Variants in FAT3 observed in about 807,000 individuals in gnomAD.
FAT3 encodes the protein FAT atypical cadherin 3.
In FAT3, 95 loss-of-function variants were observed where a neutral mutation model predicts 310.2. That is an observed-to-expected ratio of 0.31 (90% confidence interval 0.26 to 0.36). The LOEUF is 0.36. Among genes scored for constraint, FAT3 ranks in the 10% least tolerant of loss-of-function variants. The probability of loss-of-function intolerance (pLI) is 1.00; values close to 1 mark genes in which losing one functional copy is unlikely to be tolerated. For synonymous variants in FAT3, 2,314 were observed against 2,192.9 expected (o/e 1.06, Z -1.54); for missense variants, 5,408 against 5,715.6 (o/e 0.95, Z 1.74).
intron 3 of FAT3, among the ~76,000 whole-genome samples, chr11:92,613,452 G>A (rs1188456372): frequency 6.6e-6 from 1 of 152,082 alleles, no homozygotes; most frequent in Non-Finnish European, 1.5e-5. Flanking sequence ...ACCAAATTCA[G>A]ATTAATTTAA....
chr11:92,664,046 G>A (rs911519550), intron 3 of FAT3, among the ~76,000 whole-genome samples: 6 of 152,074 alleles, frequency 3.9e-5, no homozygotes, highest in East Asian at 1.9e-4. Context: ...ACACAAAACC[G>A]TGAGTGGTCT....
chr11:92,235,258 T>C (rs967742388), intron 1 of FAT3, among the ~76,000 whole-genome samples: 2 of 152,138 alleles, frequency 1.3e-5, no homozygotes, highest in African/African-American at 4.8e-5. Flanking sequence ...TCTTTGGTAC[T>C]TCTTGGCCCC....
In FAT3 at chr11:92,352,909, T is replaced by C; in HGVS notation, c.797T>C (p.Ile266Thr). ...IERINEHAPT[I>T]HVVTHVPFSL... ...CGCATAAATGAACATGCCCCAACAATCCATGTAGTCACTCATGTTCCTTTC... is the reference window on the plus strand; with the variant it reads ...CGCATAAATGAACATGCCCCAACAACCCATGTAGTCACTCATGTTCCTTTC... Residue 266 changes from isoleucine to threonine, a missense_variant, in exon 2 of 28, where the codon ATC becomes ACC. Transcript: ENST00000525166. The C allele has an allele frequency of 6.2e-7, 1 of 1,613,774 alleles. No individual in the cohort carries two copies. The highest frequency in any genetic ancestry group is 8.5e-7 in the Non-Finnish European group (1 of 1,179,820).
chr11:92,885,080 C>T (rs1277631554), intron 24 of FAT3, among the ~76,000 whole-genome samples: 2 of 152,166 alleles, frequency 1.3e-5, no homozygotes, highest in African/African-American at 4.8e-5. Flanking sequence ...AAGGAGGACA[C>T]AGGCTAAAAT....
chr11:92,645,408 T>C (rs1942113484), intron 3 of FAT3, among the ~76,000 whole-genome samples: 1 of 152,162 alleles, frequency 6.6e-6, no homozygotes, highest in African/African-American at 2.4e-5. Flanking sequence ...ATAACCTACA[T>C]TTCTGAAAAG....
At chr11:92,736,642 T>C (rs572568053) in intron 4 of FAT3, among the ~76,000 whole-genome samples, 81 of 152,318 alleles carry the variant, frequency 5.3e-4, no homozygotes, top group African/African-American at 1.9e-3. Context: ...GTCCTTTCAA[T>C]TTCTCCAGAA....
intron 2 of FAT3, among the ~76,000 whole-genome samples, chr11:92,403,689 A>G (rs921182681): frequency 3.9e-5 from 6 of 152,196 alleles, no homozygotes; most frequent in African/African-American, 7.2e-5. Context: ...AGGACAATGC[A>G]CTGGCTCATT....
At chr11:92,840,929 CTG>C (rs1948531634) in intron 18 of FAT3, among the ~76,000 whole-genome samples, 170 bp downstream of exon 18, 1 of 152,166 alleles carries the variant, frequency 6.6e-6, no homozygotes, top group African/African-American at 2.4e-5. Flanking sequence ...AAAGCTGCCT[CTG>C]TGTGTGAAAC....
Position 92,896,346 on chromosome 11 carries a change from C to G in FAT3, c.*5233C>G, listed in dbSNP as rs1308366253. ...AAAAGAAAAAAAAAACAAAAGCAAA[C>G]AAAAAAAAAGACAGCCAAAAAAAAG... On this transcript the variant is annotated 3_prime_UTR_variant, in exon 28 of 28. Coordinates refer to ENST00000525166, the MANE Select transcript of FAT3 (RefSeq NM_001367949.2). 7.7e-6 allele frequency: 1 copy of G among 129,870 alleles called. No individual in the cohort carries two copies. The highest frequency in any genetic ancestry group is 1.7e-5 in the Non-Finnish European group (1 of 59,278). 8.0% of individuals were successfully genotyped at this position (129,870 alleles called of 1,614,324 possible). A position where few individuals can be genotyped will look rare whatever the true frequency, so the allele number is the denominator to read the frequency against.
intron 19 of FAT3, among the ~76,000 whole-genome samples, chr11:92,850,700 C>G (rs541005643): frequency 6.6e-6 from 1 of 152,262 alleles, no homozygotes; most frequent in East Asian, 1.9e-4. Context: ...CAACATAAAT[C>G]AAGAGGTTGA....
intron 4 of FAT3, among the ~76,000 whole-genome samples, chr11:92,751,894 G>A (rs1945838724): frequency 6.6e-6 from 1 of 152,102 alleles, no homozygotes; most frequent in South Asian, 2.1e-4. Flanking sequence ...TATTCTTAAC[G>A]TCTAAGCCTC....
intron 7 of FAT3, among the ~76,000 whole-genome samples, chr11:92,777,836 T>C (rs1946635433): frequency 6.6e-6 from 1 of 152,116 alleles, no homozygotes; most frequent in Non-Finnish European, 1.5e-5. Context: ...GGTCTAACTG[T>C]AGTAAGAATT....
intron 1 of FAT3, among the ~76,000 whole-genome samples, chr11:92,262,367 G>C (rs570232284): frequency 6.6e-6 from 1 of 152,206 alleles, no homozygotes; most frequent in Admixed American, 6.5e-5. Context: ...AATAGAAAGA[G>C]CAAATGTGTA....
At chr11:92,563,281 A>T (rs1247670333) in intron 3 of FAT3, among the ~76,000 whole-genome samples, 2 of 152,206 alleles carry the variant, frequency 1.3e-5, no homozygotes, top group East Asian at 3.9e-4. Context: ...AAGCAACAGC[A>T]AATATGTGAG....
chr11:92,859,132 AAT>A, intron 20 of FAT3, 31 bp from the exon 21 acceptor site: 4 of 1,590,202 alleles, frequency 2.5e-6, no homozygotes, highest in Non-Finnish European at 3.4e-6. Flanking sequence ...GGATGTTAAA[AAT>A]ATATATGTCT....
At chr11:92,690,655 T>G (rs1256700313) in intron 3 of FAT3, among the ~76,000 whole-genome samples, 6 of 152,212 alleles carry the variant, frequency 3.9e-5, no homozygotes, top group African/African-American at 1.4e-4. Context: ...TTGTTTATTT[T>G]TTAAGGAAAT....
chr11:92,800,579 T>C lies in FAT3; in HGVS notation c.7566T>C (p.Asp2522=), dbSNP rs759103630. ...GTKVIHVRAT[D]GDPGTYGQIS... is the part of the protein sequence containing the mutation. Reference sequence around the variant, plus strand: ...AGGTAATTCATGTTCGAGCCACAGATGGTGATCCAGGGACTTATGGGCAGA... The same window carrying C: ...AGGTAATTCATGTTCGAGCCACAGACGGTGATCCAGGGACTTATGGGCAGA... Residue 2522 remains aspartate (D), a synonymous_variant, in exon 10 of 28, where the codon GAT becomes GAC. Coordinates refer to ENST00000525166, the MANE Select transcript of FAT3 (RefSeq NM_001367949.2). The C allele has an allele frequency of 2.5e-6, 4 of 1,613,702 alleles. No homozygotes were observed. Among genetic ancestry groups the C allele is most frequent in the Non-Finnish European group, 3.4e-6 (4 of 1,179,836 alleles).
At chr11:92,802,333 C>A (rs1020482044) in intron 10 of FAT3, among the ~76,000 whole-genome samples, 2 of 152,170 alleles carry the variant, frequency 1.3e-5, no homozygotes, top group Non-Finnish European at 2.9e-5. Context: ...CACACTTCCC[C>A]TGGCCATGGC....
chr11:92,240,171 A>C (rs1448048740), intron 1 of FAT3, among the ~76,000 whole-genome samples: 1 of 152,088 alleles, frequency 6.6e-6, no homozygotes, highest in African/African-American at 2.4e-5. Flanking sequence ...GATAAGGTGC[A>C]TGTTCAAGGA....
Sources: gnomAD v4.1 joint callset for allele counts (sites outside exome capture counted in the v4.1 genomes callset) on GRCh38, gnomAD v4.1.1 for gene constraint, MANE v1.5 for transcripts, NCBI Gene and HGNC (gene_info 2026-07-23, HGNC 2026-07-21) for gene names.